The following ADARB2 variants were observed in gnomAD, a reference collection of about 807,000 sequenced individuals.
ADARB2 encodes adenosine deaminase RNA specific B2 (inactive).
ADARB2 carries 25 observed loss-of-function variants against 62.2 expected under a neutral mutation model. That is an observed-to-expected ratio of 0.40 (90% CI 0.29 to 0.56). The LOEUF is 0.56. ADARB2 is among the 20% of genes least tolerant of loss of function. The probability of loss-of-function intolerance (pLI) is 0.43; values close to 1 mark genes in which losing one functional copy is unlikely to be tolerated. For missense variants in ADARB2, 1,071 were observed against 1,077.4 expected (o/e 0.99, Z 0.08); for synonymous variants, 572 against 500.8 (o/e 1.14, Z -1.90).
chr10:1,457,286 A>C (rs1831106351), intron 1 of ADARB2, among the ~76,000 whole-genome samples: 1 of 152,190 alleles, frequency 6.6e-6, no homozygotes. Context: ...AGGGCGCTGG[A>C]CACGACCATT....
At chr10:1,418,146 C>T (rs181634578) in intron 1 of ADARB2, among the ~76,000 whole-genome samples, 74 of 152,280 alleles carry the variant, frequency 4.9e-4, no homozygotes, top group African/African-American at 1.3e-3. Context: ...CAAAGGGAGT[C>T]GCCCATCTAG....
chr10:1,461,520 T>A (rs1316990174), intron 1 of ADARB2, among the ~76,000 whole-genome samples: 6 of 131,600 alleles, frequency 4.6e-5, no homozygotes, highest in Admixed American at 7.3e-5. Flanking sequence ...ATATATTTTT[T>A]TTTTTAAAGA....
intron 1 of ADARB2, among the ~76,000 whole-genome samples, chr10:1,679,836 T>C (rs1834512690): frequency 6.6e-6 from 1 of 152,194 alleles, no homozygotes; most frequent in Non-Finnish European, 1.5e-5. Flanking sequence ...CCTGGACGAC[T>C]GGAAAAGCCC....
chr10:1,681,635 G>A (rs1171873646), intron 1 of ADARB2, among the ~76,000 whole-genome samples: 10 of 152,104 alleles, frequency 6.6e-5, no homozygotes, highest in Non-Finnish European at 1.5e-4. Context: ...GCATGGTCCT[G>A]TGGTTTCTAA....
intron 4 of ADARB2, among the ~76,000 whole-genome samples, chr10:1,245,036 G>A (rs954933742): frequency 5.3e-5 from 8 of 152,136 alleles, no homozygotes; most frequent in East Asian, 1.9e-4. Context: ...AGGGTTTTCC[G>A]GAAGGACAGC....
chr10:1,296,442 G>GAA (rs1831523732), intron 3 of ADARB2, among the ~76,000 whole-genome samples: 1 of 152,204 alleles, frequency 6.6e-6, no homozygotes. Flanking sequence ...ATTGGCTACT[G>GAA]ATGATTCCAT....
intron 1 of ADARB2, among the ~76,000 whole-genome samples, chr10:1,429,549 G>T (rs1390180680): frequency 1.3e-5 from 2 of 152,172 alleles, no homozygotes; most frequent in Non-Finnish European, 2.9e-5. Flanking sequence ...CAGGACAAAG[G>T]TTATTGCTCT....
At chr10:1,492,395 T>C (rs1205049450) in intron 1 of ADARB2, among the ~76,000 whole-genome samples, 1 of 152,084 alleles carries the variant, frequency 6.6e-6, no homozygotes, top group Non-Finnish European at 1.5e-5. Context: ...TATGTTGGTG[T>C]CCTTATCAAA....
chr10:1,416,330 C>G (rs1832801436), intron 1 of ADARB2, among the ~76,000 whole-genome samples: 1 of 152,204 alleles, frequency 6.6e-6, no homozygotes. Context: ...AGAGATGAAA[C>G]TAAATGAAGG....
intron 3 of ADARB2, among the ~76,000 whole-genome samples, chr10:1,312,232 C>T (rs757131761): frequency 6.6e-6 from 1 of 152,136 alleles, no homozygotes; most frequent in Non-Finnish European, 1.5e-5. Context: ...CTGGCCTGCA[C>T]CAGAGATGCA....
intron 1 of ADARB2, among the ~76,000 whole-genome samples, chr10:1,638,001 G>T (rs1383836006): frequency 1.3e-5 from 2 of 152,204 alleles, no homozygotes; most frequent in Non-Finnish European, 2.9e-5. Context: ...GAAAAGAGAG[G>T]TTTGGGGGAA....
intron 6 of ADARB2, among the ~76,000 whole-genome samples, chr10:1,226,233 G>T (rs1830744091): frequency 6.6e-6 from 1 of 152,120 alleles, no homozygotes; most frequent in South Asian, 2.1e-4. Flanking sequence ...TTGTCATGTA[G>T]CTCTCGTGCC....
intron 1 of ADARB2, among the ~76,000 whole-genome samples, chr10:1,515,095 G>A (rs780707176): frequency 1.3e-5 from 2 of 152,240 alleles, no homozygotes; most frequent in African/African-American, 4.8e-5. Context: ...TGGAGGCTTT[G>A]CAGAAGACCT....
At chr10:1,220,225 G>A (rs1830678891) in intron 6 of ADARB2, among the ~76,000 whole-genome samples, 1 of 149,280 alleles carries the variant, frequency 6.7e-6, no homozygotes, top group Non-Finnish European at 1.5e-5. Context: ...GATGGTGATG[G>A]TGATGATGGT....
intron 1 of ADARB2, among the ~76,000 whole-genome samples, chr10:1,408,485 G>C (rs1270407774): frequency 6.6e-6 from 1 of 152,042 alleles, no homozygotes; most frequent in Non-Finnish European, 1.5e-5. Context: ...TGAGCGAAAG[G>C]GAGTCAAGAA....
At chr10:1,548,986 T>G (rs1832571293) in intron 1 of ADARB2, among the ~76,000 whole-genome samples, 1 of 152,090 alleles carries the variant, frequency 6.6e-6, no homozygotes. Context: ...GGCGTTGGTT[T>G]GTCATTGTTC....
intron 1 of ADARB2, among the ~76,000 whole-genome samples, chr10:1,705,759 G>A (rs1376986628): frequency 6.6e-6 from 1 of 152,166 alleles, no homozygotes; most frequent in Admixed American, 6.5e-5. Flanking sequence ...CTGCTCTGAG[G>A]GTTCCAGGGA....
chr10:1,563,313 C>T (rs569532621), intron 1 of ADARB2, among the ~76,000 whole-genome samples: 7 of 152,224 alleles, frequency 4.6e-5, no homozygotes, highest in African/African-American at 1.7e-4. Context: ...CTGCATCCTC[C>T]CCACAAGATC....
intron 1 of ADARB2, among the ~76,000 whole-genome samples, chr10:1,489,331 C>A (rs1831591213): frequency 6.6e-6 from 1 of 152,014 alleles, no homozygotes; most frequent in South Asian, 2.1e-4. Flanking sequence ...GGAGCTTCTG[C>A]ACCGGATGCA....
Sources: allele counts gnomAD v4.1 joint callset (sites outside exome capture counted in the v4.1 genomes callset), GRCh38; gene constraint gnomAD v4.1.1; transcripts MANE v1.5; gene names NCBI Gene and HGNC (gene_info 2026-07-23, HGNC 2026-07-21).